The following KLRG1 variants were observed in gnomAD, a reference collection of about 807,000 sequenced individuals.
KLRG1 encodes the protein killer cell lectin-like receptor subfamily G member 1.
In KLRG1, 16 loss-of-function variants were observed where a neutral mutation model predicts 21.8. The observed-to-expected ratio is 0.73, with a 90% CI of 0.50 to 1.11. KLRG1 has a LOEUF of 1.11. Ranked by LOEUF, KLRG1 falls within the 50% of genes most tolerant of loss-of-function variation. KLRG1 has a pLI of 0.00. For synonymous variants in KLRG1, 69 were observed against 75.9 expected, an observed-to-expected ratio of 0.91 and a Z score of 0.47; for missense variants, 173 against 218.3, an observed-to-expected ratio of 0.79 and a Z score of 1.31.
At chr12:9,177,440 C>T in the KLRG1 span, among the ~76,000 whole-genome samples, 1 of 152,190 alleles carries the variant, frequency 6.6e-6, no homozygotes. Flanking sequence ...CAGGGCAGGT[C>T]ACAAGCTAGA....
At chr12:9,152,111 T>G in the KLRG1 span, 1 of 869,278 alleles carries the variant, frequency 1.2e-6, no homozygotes, top group Non-Finnish European at 1.9e-6. Context: ...GGAAAAATAT[T>G]TTTTTGAGGC....
At chr12:9,110,033 A>G in the KLRG1 span, 8 of 1,608,630 alleles carry the variant, frequency 5.0e-6, no homozygotes, top group Non-Finnish European at 6.8e-6. Flanking sequence ...TTCCTTTGGG[A>G]TCCTATATGA....
the KLRG1 span, among the ~76,000 whole-genome samples, chr12:9,187,706 C>G: frequency 6.6e-6 from 1 of 152,218 alleles, no homozygotes; most frequent in Non-Finnish European, 1.5e-5. Context: ...ACTTATAGCA[C>G]TAAACATCCA....
chr12:8,970,482 A>G (rs188035047), intron 1 of KLRG1: 11 of 152,382 alleles, frequency 7.2e-5, no homozygotes, highest in African/African-American at 2.4e-4. Context: ...ATTTATGGTT[A>G]AAGTTTTCCC....
chr12:9,202,626 G>C, the KLRG1 span: 1 of 1,614,070 alleles, frequency 6.2e-7, no homozygotes, highest in Non-Finnish European at 8.5e-7. Flanking sequence ...ATCTTGCGTA[G>C]GCCCCTTTAT....
chr12:8,995,109 T>G lies in KLRG1; in HGVS notation c.188-10T>G. 6.3e-7 allele frequency: 1 copy of G among 1,578,380 alleles called. No individual in the cohort carries two copies. On this transcript the variant is annotated splice_polypyrimidine_tract_variant and intron_variant, in intron 2 of 4. Coordinates refer to ENST00000356986, the MANE Select transcript of KLRG1 (RefSeq NM_005810.4). ...CATAAAGATGTGAACCAGGTCCTCT[T>G]CTCTCCTAGGCTCCAACTACTCCAC...
chr12:8,978,036 AAG>A (rs1946686383), intron 1 of KLRG1, among the ~76,000 whole-genome samples: 2 of 152,050 alleles, frequency 1.3e-5, no homozygotes, highest in African/African-American at 4.8e-5. Flanking sequence ...TTTTTGCATT[AAG>A]AGTTTCATTC....
At chr12:9,072,427 C>A in the KLRG1 span, 18 of 1,613,668 alleles carry the variant, frequency 1.1e-5, no homozygotes, top group African/African-American at 2.3e-4. Context: ...GCAGAGTCTG[C>A]ACTCCTAAAG....
chr12:9,173,555 A>G, the KLRG1 span, among the ~76,000 whole-genome samples: 405 of 152,110 alleles, frequency 2.7e-3, no homozygotes, highest in Admixed American at 4.3e-3. Context: ...TTTGAAAAAA[A>G]GTTAATAAAA....
At chr12:9,150,616 A>G in the KLRG1 span, 1 of 1,446,772 alleles carries the variant, frequency 6.9e-7, no homozygotes, top group Non-Finnish European at 9.7e-7. Context: ...GGCTCTGGTT[A>G]AGATTGTTTC....
the KLRG1 span, among the ~76,000 whole-genome samples, chr12:9,121,037 C>T: frequency 1.0e-3 from 158 of 151,954 alleles, 1 homozygote; most frequent in African/African-American, 3.3e-3. The surrounding 1 kb of genome is among the most constrained non-coding windows in gnomAD (Gnocchi z 4.4). Flanking sequence ...CACTCCACCA[C>T]GCCCCGCTAA....
the KLRG1 span, among the ~76,000 whole-genome samples, chr12:9,186,884 A>G: frequency 2.3e-4 from 35 of 152,080 alleles, 1 homozygote; most frequent in East Asian, 2.9e-3. Context: ...TAGCATTAGG[A>G]GAAATACCTA....
chr12:8,954,692 C>T (rs746149141), intron 1 of KLRG1, among the ~76,000 whole-genome samples: 1 of 152,014 alleles, frequency 6.6e-6, no homozygotes, highest in Non-Finnish European at 1.5e-5. Flanking sequence ...TCAGTGTCAG[C>T]AGACAGAGCT....
At chr12:9,168,154 A>G in the KLRG1 span, among the ~76,000 whole-genome samples, 1 of 152,204 alleles carries the variant, frequency 6.6e-6, no homozygotes, top group Non-Finnish European at 1.5e-5. Flanking sequence ...GCGTTTTGCA[A>G]GGTCTTGAAG....
At chr12:9,181,791 C>G in the KLRG1 span, among the ~76,000 whole-genome samples, 1 of 152,054 alleles carries the variant, frequency 6.6e-6, no homozygotes, top group East Asian at 1.9e-4. Context: ...TATTTGGTAG[C>G]AGCTTTGTGT....
the KLRG1 span, chr12:9,090,476 C>T: frequency 1.2e-6 from 2 of 1,613,848 alleles, no homozygotes; most frequent in Non-Finnish European, 1.7e-6. Flanking sequence ...TCCAGCTGCA[C>T]ACTGACCTGA....
chr12:9,116,116 G>A, the KLRG1 span: 5 of 431,564 alleles, frequency 1.2e-5, no homozygotes, highest in Non-Finnish European at 1.7e-5. Flanking sequence ...TCCCATTCCC[G>A]TAAGAGCTCA....
chr12:9,093,635 A>G, the KLRG1 span: 2 of 935,658 alleles, frequency 2.1e-6, no homozygotes, highest in Non-Finnish European at 3.0e-6. Context: ...AGCTTATGAG[A>G]GAATGTAATA....
At chr12:9,109,034 TTG>T in the KLRG1 span, among the ~76,000 whole-genome samples, 1 of 151,102 alleles carries the variant, frequency 6.6e-6, no homozygotes, top group Non-Finnish European at 1.5e-5. Context: ...CCTTCCCATT[TTG>T]TGTGTGTGTG....
Sources: allele counts gnomAD v4.1 joint callset (sites outside exome capture counted in the v4.1 genomes callset), GRCh38; gene constraint gnomAD v4.1.1; non-coding constraint Gnocchi (gnomAD v3.1); transcripts MANE v1.5; gene names NCBI Gene and HGNC (gene_info 2026-07-23, HGNC 2026-07-21).